Variants in SLC44A5 observed in about 807,000 individuals in gnomAD.
SLC44A5 encodes solute carrier family 44 member 5.
Under a neutral mutation model 101.8 loss-of-function variants are expected in SLC44A5, and 57 were observed. That is an observed-to-expected ratio of 0.56 (90% CI 0.45 to 0.70). SLC44A5 has a LOEUF of 0.70. Ranked by LOEUF, SLC44A5 falls within the 30% of genes least tolerant of loss-of-function variation. The pLI is 0.00. For synonymous variants in SLC44A5, 281 were observed against 290.9 expected (o/e 0.97, Z 0.35); for missense variants, 737 against 853.1 (o/e 0.86, Z 1.70).
intron 5 of SLC44A5, among the ~76,000 whole-genome samples, chr1:75,275,689 A>C (rs1651860865): frequency 6.6e-6 from 1 of 152,182 alleles, no homozygotes; most frequent in Non-Finnish European, 1.5e-5. Flanking sequence ...CAATGGGCTC[A>C]AACACATTAC....
chr1:75,368,780 G>T (rs1323216992), intron 3 of SLC44A5, among the ~76,000 whole-genome samples: 1 of 152,034 alleles, frequency 6.6e-6, no homozygotes, highest in Non-Finnish European at 1.5e-5. Flanking sequence ...TGATGCATAC[G>T]CAACTATGAG....
intron 3 of SLC44A5, among the ~76,000 whole-genome samples, chr1:75,355,944 G>A (rs1200840029): frequency 1.3e-5 from 2 of 152,022 alleles, no homozygotes; most frequent in Non-Finnish European, 2.9e-5. Flanking sequence ...GAAGTCAGTG[G>A]CTCATGTCTG....
rs1331408707 is a variant in SLC44A5, at chr1:75,202,210, A to AATT, written c.*1514_*1516dup. On this transcript the variant is annotated 3_prime_UTR_variant, in exon 24 of 24. Transcript: ENST00000370859. ...AATTTCATTAAATATTAAACATTTT[A>AATT]ATTATCAAAGATATTTAGACAATAC... The AATT allele has an allele frequency of 1.3e-5, 2 of 152,230 alleles. No individual in the cohort carries two copies. The highest frequency in any genetic ancestry group is 2.9e-5 in the Non-Finnish European group (2 of 68,030). 9.4% of individuals were successfully genotyped at this position (152,230 alleles called of 1,614,324 possible).
At chr1:75,206,621 T>A (rs574131002) in intron 23 of SLC44A5, 10 of 1,607,876 alleles carry the variant, frequency 6.2e-6, no homozygotes, top group South Asian at 5.5e-5. Context: ...TCTTTCTGCT[T>A]CTGGGGAACT....
intron 3 of SLC44A5, among the ~76,000 whole-genome samples, chr1:75,342,650 A>G (rs1238760076): frequency 6.6e-6 from 1 of 152,130 alleles, no homozygotes. Flanking sequence ...GGGGTTAACA[A>G]CTTCTATTGA....
chr1:75,623,849 G>C, the SLC44A5 span, among the ~76,000 whole-genome samples: 141,861 of 152,190 alleles, frequency 0.93, 66,253 homozygotes, highest in East Asian at 0.99. Flanking sequence ...TCTGGAGCCC[G>C]TCATTGAGTT....
Position 75,411,131 on chromosome 1 carries a change from C to T in SLC44A5, c.14-14510G>A, listed in dbSNP as rs547373228. On this transcript the variant is annotated intron_variant, in intron 2 of 23. Transcript: ENST00000370859. The stretch of plus-strand genomic sequence containing the variant: ...CAATGCTAGAAACATAGTCGATGTC[C>T]GAGTTTTATCTAGGTCCTTGGGACT... Among the ~76,000 whole-genome samples, 32 of 152,178 alleles carry T rather than the reference C, an allele frequency of 2.1e-4. No homozygotes were observed. The South Asian group carries it at 6.2e-3, about 30-fold the overall frequency.
chr1:75,379,167 A>G (rs1416236566), intron 3 of SLC44A5, among the ~76,000 whole-genome samples: 1 of 73,448 alleles, frequency 1.4e-5, no homozygotes, highest in Non-Finnish European at 2.2e-5. Flanking sequence ...GGAGTAAAAC[A>G]GTATGGACCC....
chr1:75,557,323 G>C (rs1231106700), intron 1 of SLC44A5, among the ~76,000 whole-genome samples: 3 of 152,172 alleles, frequency 2.0e-5, no homozygotes, highest in Non-Finnish European at 4.4e-5. Context: ...TAGGGAGCAT[G>C]TAGATGACTT....
chr1:75,696,613 C>T, the SLC44A5 span, among the ~76,000 whole-genome samples: 2 of 152,082 alleles, frequency 1.3e-5, no homozygotes, highest in Non-Finnish European at 2.9e-5. Context: ...AGGTGAACAT[C>T]GGCCAGGTGC....
intron 3 of SLC44A5, among the ~76,000 whole-genome samples, chr1:75,349,153 A>G (rs1658457588): frequency 6.6e-6 from 1 of 152,176 alleles, no homozygotes; most frequent in Non-Finnish European, 1.5e-5. Context: ...AGTTCTAGAC[A>G]TGGTGAAACC....
At chr1:75,688,127 T>C in the SLC44A5 span, among the ~76,000 whole-genome samples, 5 of 152,280 alleles carry the variant, frequency 3.3e-5, no homozygotes, top group South Asian at 8.3e-4. Flanking sequence ...CTACACCAAG[T>C]AGTTCTGAGA....
chr1:75,232,819 CAA>C (rs1647708680), intron 12 of SLC44A5, among the ~76,000 whole-genome samples: 1 of 152,106 alleles, frequency 6.6e-6, no homozygotes, highest in Non-Finnish European at 1.5e-5. Context: ...AACAAACTTC[CAA>C]AGTTACCCAG....
chr1:75,681,220 C>G, the SLC44A5 span, among the ~76,000 whole-genome samples: 1 of 152,114 alleles, frequency 6.6e-6, no homozygotes, highest in Non-Finnish European at 1.5e-5. Context: ...CTATTCCAAT[C>G]AATAGAAAAA....
chr1:75,239,477 T>A (rs1229324444), intron 9 of SLC44A5, among the ~76,000 whole-genome samples: 1 of 152,040 alleles, frequency 6.6e-6, no homozygotes, highest in Non-Finnish European at 1.5e-5. Context: ...ATTAAAGCAG[T>A]TGAGCTGGGG....
intron 2 of SLC44A5, among the ~76,000 whole-genome samples, chr1:75,412,877 C>T (rs1447893036): frequency 6.6e-6 from 1 of 152,156 alleles, no homozygotes; most frequent in African/African-American, 2.4e-5. Context: ...GCCATTGATA[C>T]TGCCATGGCT....
intron 2 of SLC44A5, among the ~76,000 whole-genome samples, chr1:75,536,813 C>T (rs1176791325): frequency 2.1e-5 from 3 of 142,390 alleles, no homozygotes; most frequent in Non-Finnish European, 4.6e-5. Flanking sequence ...GAGACCATCC[C>T]GGCTAAAACG....
intron 2 of SLC44A5, among the ~76,000 whole-genome samples, chr1:75,495,645 A>G (rs185672980): frequency 9.9e-5 from 15 of 152,012 alleles, no homozygotes; most frequent in Admixed American, 9.8e-4. Context: ...AAGGAGAAGA[A>G]AGGTTCAGCA....
the SLC44A5 span, among the ~76,000 whole-genome samples, chr1:75,712,648 T>C: frequency 1.5e-5 from 2 of 135,438 alleles, no homozygotes; most frequent in Non-Finnish European, 3.0e-5. Context: ...CATAATGTAA[T>C]GTGCCCAGTT....
Sources: gnomAD v4.1 joint callset for allele counts (sites outside exome capture counted in the v4.1 genomes callset) on GRCh38, gnomAD v4.1.1 for gene constraint, MANE v1.5 for transcripts, NCBI Gene and HGNC (gene_info 2026-07-23, HGNC 2026-07-21) for gene names.